The following ATP8B3 variants were observed in gnomAD, a reference collection of about 807,000 sequenced individuals.
ATP8B3 encodes the protein ATPase phospholipid transporting 8B3, also known as phospholipid-transporting ATPase IK.
In ATP8B3, 141 loss-of-function variants were observed where a neutral mutation model predicts 140.9. That is an observed-to-expected ratio of 1.00 (90% confidence interval 0.87 to 1.15). ATP8B3 has a LOEUF of 1.15. Among genes scored for constraint, ATP8B3 ranks in the 50% most tolerant of loss-of-function variants. The pLI, the probability that ATP8B3 is intolerant of heterozygous loss-of-function variation, is 0.00. For synonymous variants in ATP8B3, 765 were observed against 714.6 expected, an observed-to-expected ratio of 1.07 and a Z score of -1.13; for missense variants, 1,874 against 1,740.6, an observed-to-expected ratio of 1.08 and a Z score of -1.36.
In ATP8B3 at chr19:1,782,248, G is replaced by A. The variant is rs751413533; in HGVS notation, c.*780C>T. The A allele has an allele frequency of 5.6e-5, 18 of 323,068 alleles. No homozygotes were observed. The highest frequency in any genetic ancestry group is 4.1e-4 in the Admixed American group (8 of 19,604). The allele number at this position is 323,068 out of a possible 1,614,324, so 20.0% of individuals were successfully genotyped here. On this transcript the variant is annotated 3_prime_UTR_variant, in exon 29 of 29. Transcript: ENST00000310127. The stretch of plus-strand genomic sequence containing the variant: ...ATGCCAGCGTGACTCCTTTGGGCTC[G>A]AAGATGCCTCTTCATCAGATGGGTC...
intron 28 of ATP8B3, among the ~76,000 whole-genome samples, chr19:1,784,063 C>T (rs1033303516): frequency 6.6e-6 from 1 of 152,202 alleles, no homozygotes; most frequent in South Asian, 2.1e-4. Context: ...CTCCTTCTCA[C>T]GGCTCAGGCG....
chr19:1,792,522 G>A (rs1306529390), intron 18 of ATP8B3, among the ~76,000 whole-genome samples: 2 of 150,818 alleles, frequency 1.3e-5, no homozygotes, highest in Admixed American at 6.6e-5. Flanking sequence ...GGAGGTTGCA[G>A]CGAGCTGAGA....
Position 1,796,818 on chromosome 19 carries a change from A to G in ATP8B3, c.1646T>C (p.Leu549Pro). 1 of 1,612,506 alleles carries G rather than the reference A, an allele frequency of 6.2e-7. No individual in the cohort carries two copies. The highest frequency in any genetic ancestry group is 1.1e-5 in the South Asian group (1 of 91,068). ...DGKLLFHNAA[L>P]LHLVRTNGDE... ...CCCGTTGGTCCGCACGAGGTGCAGC[A>G]GGGCCGCATTGTGGAAGAGCAGCTT... The change falls in exon 16 of 29, where the codon CTG becomes CCG. Residue 549 changes from leucine (L) to proline (P), a missense_variant. Around this residue, in one of 3 missense-constraint regions of ATP8B3, gnomAD observed 1,032 missense variants for 963.6 expected, o/e 1.07. Coordinates refer to ENST00000310127, the MANE Select transcript of ATP8B3 (RefSeq NM_138813.4).
At chr19:1,809,907 G>A (rs1198507557) in intron 3 of ATP8B3, among the ~76,000 whole-genome samples, 173 bp from the exon 4 acceptor site, 1 of 152,192 alleles carries the variant, frequency 6.6e-6, no homozygotes, top group Non-Finnish European at 1.5e-5. Context: ...GGACCTACCA[G>A]ACCCTGCCCA....
intron 28 of ATP8B3, 138 bp from the exon 29 acceptor site, chr19:1,783,408 G>A: frequency 2.7e-6 from 3 of 1,123,798 alleles, no homozygotes; most frequent in Non-Finnish European, 3.7e-6. Flanking sequence ...CCCAAGTTGA[G>A]CCAATTAGAG....
chr19:1,786,565 C>CAA (rs57628690), intron 25 of ATP8B3, among the ~76,000 whole-genome samples: 3 of 109,854 alleles, frequency 2.7e-5, no homozygotes, highest in African/African-American at 9.3e-5. Context: ...GACCCTGTCT[C>CAA]AAAAAAAAAA....
chr19:1,792,187 G>A (rs1047378997), intron 18 of ATP8B3, 52 bp from the exon 19 acceptor site: 12 of 1,502,868 alleles, frequency 8.0e-6, no homozygotes, highest in Non-Finnish European at 1.1e-5. Context: ...GACATCCGAG[G>A]CTCAGCCCTC....
At chr19:1,784,726 C>A in intron 28 of ATP8B3, 93 bp downstream of exon 28, 1 of 1,431,752 alleles carries the variant, frequency 7.0e-7, no homozygotes, top group Non-Finnish European at 9.3e-7. Context: ...CGAGAGGGGC[C>A]GGGACACCTT....
intron 14 of ATP8B3, 144 bp from the exon 15 acceptor site, chr19:1,797,149 G>T: frequency 2.3e-6 from 3 of 1,306,786 alleles, no homozygotes; most frequent in South Asian, 1.3e-5. Flanking sequence ...CCGACACCCC[G>T]AGCAATCTTG....
At chr19:1,788,604 C>T (rs1009539574) in intron 24 of ATP8B3, among the ~76,000 whole-genome samples, 5 of 152,272 alleles carry the variant, frequency 3.3e-5, no homozygotes, top group Admixed American at 1.3e-4. Flanking sequence ...GAGCCGAGAT[C>T]GTGCCATTGC....
At position 1,796,167 on chromosome 19, in the gene ATP8B3, C is replaced by T. The variant is rs8100856; in HGVS notation, c.1852G>A (p.Val618Ile). 0.17 allele frequency: 281,066 copies of T among 1,612,742 alleles called. 30,213 individuals are homozygous for T. The highest frequency in any genetic ancestry group is 0.58 in the East Asian group (25,836 of 44,844). The change falls in exon 17 of 29, where the codon GTC (valine) becomes ATC (isoleucine). Residue 618 changes from valine (V) to isoleucine (I), a missense_variant. Val to Ile is a conservative substitution (Grantham distance 29). Coordinates refer to ENST00000310127, the MANE Select transcript of ATP8B3 (RefSeq NM_138813.4). ...YVFLSRTQDT[V>I]TIMELGEERV... is the part of the protein sequence containing the mutation. ...TCCTCCCCCAGCTCCATGATCGTGA[C>T]GGTGTCCTGGGTGCGGGACAGGAAC...
At position 1,785,449 on chromosome 19, in the gene ATP8B3, G is replaced by A. The variant is rs764939740; in HGVS notation, c.3393+20C>T. On this transcript the variant is annotated intron_variant, in intron 26 of 28. Transcript: ENST00000310127. ...CATAGGCCATGTCCAAGGCCCCGGG[G>A]AGGTGAGGACCTTGCCCACCTCCAT... The A allele has an allele frequency of 4.3e-6, 7 of 1,610,088 alleles. No homozygotes were observed. The South Asian group carries it at 5.5e-5, about 13-fold the overall frequency.
intron 12 of ATP8B3, among the ~76,000 whole-genome samples, chr19:1,801,049 T>C (rs12461905): frequency 0.61 from 91,769 of 151,300 alleles, 28,662 homozygotes; most frequent in African/African-American, 0.77. Context: ...AGGATGGTCT[T>C]GATCTCCTGA....
In ATP8B3 at chr19:1,787,181, C is replaced by T. The variant is rs371537574; in HGVS notation, c.3075G>A (p.Leu1025=). The T allele has an allele frequency of 3.1e-6, 5 of 1,609,046 alleles. No individual in the cohort carries two copies. In the African/African-American group the frequency reaches 6.7e-5, roughly 21 times the overall value. The change falls in exon 25 of 29, where the codon CTG becomes CTA. Residue 1025 remains leucine (L), a synonymous_variant. Coordinates refer to ENST00000310127, the MANE Select transcript of ATP8B3 (RefSeq NM_138813.4). ...AAAGAGCCAGGAACCATCCTTCATA[C>T]AGGGGCTGAGCCGGGGGAGAAGGGC... is the stretch of plus-strand genomic sequence containing the variant. ...ACYNGFTGQP[L]YEGWFLALFN...
In ATP8B3 at chr19:1,805,554, C is replaced by A; in HGVS notation, c.822-98G>T. The A allele has an allele frequency of 9.2e-7, 1 of 1,085,886 alleles. No individual in the cohort carries two copies. Among genetic ancestry groups the A allele is most frequent in the Non-Finnish European group, 1.4e-6 (1 of 727,300 alleles). 67.3% of individuals were successfully genotyped at this position (1,085,886 alleles called of 1,614,324 possible). On this transcript the variant is annotated intron_variant, in intron 9 of 28. Coordinates refer to ENST00000310127, the MANE Select transcript of ATP8B3 (RefSeq NM_138813.4). This position sits in a 1 kb window ranked among gnomAD's most constrained non-coding sequence, Gnocchi z 5.2. ...GAGTCACTCAAACATTTTCACTGAG[C>A]ACCTACTAGTTCGCCAGCTGCCAGT...
rs573395142 is a variant in ATP8B3 at position 1,788,967 on chromosome 19, A to T, written c.2999T>A (p.Phe1000Tyr). The T allele has an allele frequency of 8.7e-6, 14 of 1,609,860 alleles. No individual in the cohort carries two copies. Among genetic ancestry groups the T allele is most frequent in the East Asian group, 2.2e-5 (1 of 44,762 alleles). Residue 1000 changes from phenylalanine (F) to tyrosine (Y), a missense_variant, in exon 24 of 29, where the codon TTC becomes TAC. Coordinates refer to ENST00000310127, the MANE Select transcript of ATP8B3 (RefSeq NM_138813.4). ...YVRICKFLRY[F>Y]FYKSMASMMV... is the part of the protein sequence containing the mutation. ...CATGCTGGCCATGCTCTTGTAGAAGAAGTAGCGCAGGAACTTGCAGATCCG... is the reference window on the plus strand; with the variant it reads ...CATGCTGGCCATGCTCTTGTAGAAGTAGTAGCGCAGGAACTTGCAGATCCG...
In ATP8B3 at chr19:1,794,720, G is replaced by A. The variant is rs1169319008; in HGVS notation, c.2055+1155C>T. Among the ~76,000 whole-genome samples, 1 of 152,174 alleles carries A rather than the reference G, an allele frequency of 6.6e-6. No homozygotes were observed. Among genetic ancestry groups the A allele is most frequent in the Non-Finnish European group, 1.5e-5 (1 of 68,030 alleles). On this transcript the variant is annotated intron_variant, in intron 18 of 28. Transcript: ENST00000310127. This position sits in a 1 kb window ranked among gnomAD's most constrained non-coding sequence, Gnocchi z 4.8. Reference sequence around the variant, plus strand: ...AGCACAGGAAACAGCATGTGCAAAGGTGCCAAGGCAGCACCTGAGAGTGGG... The same window carrying A: ...AGCACAGGAAACAGCATGTGCAAAGATGCCAAGGCAGCACCTGAGAGTGGG...
Position 1,801,956 on chromosome 19 carries a change from C to G in ATP8B3, c.1152G>C (p.Val384=). 1 of 1,611,800 alleles carries G rather than the reference C, an allele frequency of 6.2e-7. No individual in the cohort carries two copies. The highest frequency in any genetic ancestry group is 8.5e-7 in the Non-Finnish European group (1 of 1,179,004). ...LDLLMNKLVV[V]IFISVVLVCL... ...GCAGGGGCACTTGTTGGCAGCTCAC[C>G]ACAACCACCAGCTTGTTCATCAGGA... The change falls in exon 12 of 29, where the codon GTG becomes GTC. Residue 384 remains valine (V), a splice_region_variant and synonymous_variant. Transcript: ENST00000310127.
At position 1,783,219 on chromosome 19, in the gene ATP8B3, A is replaced by G. The variant is rs1198123884; in HGVS notation, c.3712T>C (p.Leu1238=). 6.2e-7 allele frequency: 1 copy of G among 1,612,322 alleles called. No homozygotes were observed. Among genetic ancestry groups the G allele is most frequent in the East Asian group, 2.2e-5 (1 of 44,830 alleles). Residue 1238 remains leucine (L), a synonymous_variant, in exon 29 of 29, where the codon TTG becomes CTG. Transcript: ENST00000310127. The part of the protein sequence containing the change: ...PSEEIFTMEP[L]PHVHRESRAR... The stretch of plus-strand genomic sequence containing the variant: ...CGAGACTCCCGGTGTACATGAGGCA[A>G]GGGCTCCATGGTGAAAATCTCCTCG...
Sources: allele counts gnomAD v4.1 joint callset (sites outside exome capture counted in the v4.1 genomes callset), GRCh38; gene constraint gnomAD v4.1.1; regional missense constraint gnomAD v4.1.1; non-coding constraint Gnocchi (gnomAD v3.1); transcripts MANE v1.5; gene names NCBI Gene and HGNC (gene_info 2026-07-23, HGNC 2026-07-21).